The following PARD3B variants were observed in gnomAD, a reference collection of about 807,000 sequenced individuals.
PARD3B encodes the protein partitioning defective 3 homolog B.
A neutral mutation model predicts 130.2 loss-of-function variants in PARD3B; 103 were observed. The ratio of observed to expected loss-of-function variants is 0.79; its 90% CI spans 0.67 to 0.93. The LOEUF is 0.93. Ranked by LOEUF, PARD3B falls within the 40% of genes least tolerant of loss-of-function variation. The pLI, the probability that PARD3B is intolerant of heterozygous loss-of-function variation, is 0.00. For missense variants in PARD3B, 1,609 were observed against 1,499.2 expected, an observed-to-expected ratio of 1.07 and a Z score of -1.21; for synonymous variants, 583 against 553.2, an observed-to-expected ratio of 1.05 and a Z score of -0.76.
chr2:204,991,646 C>T (rs376800204), intron 3 of PARD3B, among the ~76,000 whole-genome samples: 7 of 149,196 alleles, frequency 4.7e-5, no homozygotes, highest in East Asian at 2.0e-4. Context: ...CCTGAGGAAT[C>T]GCCACACCGA....
In PARD3B at chr2:205,168,894, G is replaced by A. The variant is rs151034563; in HGVS notation, c.1621-3317G>A. ...ATAGAATGGTTTGGTGAATAGGGACGCTGTGGAATTCAGAACTTGGGCTGT... is the reference window on the plus strand; with the variant it reads ...ATAGAATGGTTTGGTGAATAGGGACACTGTGGAATTCAGAACTTGGGCTGT... On this transcript the variant is annotated intron_variant, in intron 11 of 22. Coordinates refer to ENST00000406610, the MANE Select transcript of PARD3B (RefSeq NM_001302769.2). 2.0e-4 allele frequency among the ~76,000 whole-genome samples: 31 copies of A among 152,248 alleles called. 1 individual carries two copies. In the South Asian group the frequency reaches 2.3e-3, roughly 11 times the overall value.
intron 1 of PARD3B, among the ~76,000 whole-genome samples, chr2:204,658,394 G>A (rs1456474092): frequency 6.6e-6 from 1 of 151,978 alleles, no homozygotes; most frequent in Admixed American, 6.6e-5. Context: ...AAATACAAAA[G>A]GATTATTAAC....
intron 1 of PARD3B, among the ~76,000 whole-genome samples, chr2:204,683,507 G>A (rs925444173): frequency 1.3e-5 from 2 of 152,106 alleles, no homozygotes; most frequent in African/African-American, 2.4e-5. Flanking sequence ...ATGGTCTTAC[G>A]ATGGCTGTAG....
chr2:205,111,070 A>T (rs929332789), intron 5 of PARD3B, among the ~76,000 whole-genome samples: 3 of 152,098 alleles, frequency 2.0e-5, no homozygotes, highest in African/African-American at 7.2e-5. Flanking sequence ...TTATTTTTCA[A>T]ATGTTCTCCT....
chr2:205,121,539 G>A lies in PARD3B; in HGVS notation c.807-52G>A. The A allele has an allele frequency of 6.6e-7, 1 of 1,507,456 alleles. No individual in the cohort carries two copies. The highest frequency in any genetic ancestry group is 9.1e-7 in the Non-Finnish European group (1 of 1,097,496). The allele number at this position is 1,507,456 out of a possible 1,614,324, so 93.4% of individuals were successfully genotyped here. A position where few individuals can be genotyped will look rare whatever the true frequency, so the allele number is the denominator to read the frequency against. ...GCCATCCTCCTGGGGTACTTTAGAAGATGCTGCACCTCAAAGCAGGGTCAT... is the reference window on the plus strand; with the variant it reads ...GCCATCCTCCTGGGGTACTTTAGAAAATGCTGCACCTCAAAGCAGGGTCAT... On this transcript the variant is annotated intron_variant, in intron 7 of 22. Transcript: ENST00000406610. This position sits in a 1 kb window ranked among gnomAD's most constrained non-coding sequence, Gnocchi z 5.0.
intron 2 of PARD3B, among the ~76,000 whole-genome samples, chr2:204,874,621 G>A (rs1246371687): frequency 1.3e-5 from 2 of 152,008 alleles, no homozygotes; most frequent in Non-Finnish European, 2.9e-5. Flanking sequence ...AAAGGCACAG[G>A]TTTTACATGA....
chr2:205,561,460 A>C (rs887839432), intron 22 of PARD3B, among the ~76,000 whole-genome samples: 1 of 152,128 alleles, frequency 6.6e-6, no homozygotes, highest in Non-Finnish European at 1.5e-5. Flanking sequence ...GGGTCTGTAA[A>C]AGCTGACAAA....
intron 2 of PARD3B, among the ~76,000 whole-genome samples, chr2:204,892,439 A>G (rs1235600973): frequency 1.3e-5 from 2 of 152,232 alleles, no homozygotes; most frequent in Non-Finnish European, 2.9e-5. Flanking sequence ...TAACTGATCT[A>G]TTCAGTATGG....
chr2:205,284,824 T>A (rs775602233), intron 16 of PARD3B, among the ~76,000 whole-genome samples: 14 of 152,178 alleles, frequency 9.2e-5, no homozygotes, highest in Non-Finnish European at 1.8e-4. Flanking sequence ...AACATTTATT[T>A]TTCCCCCCAT....
At chr2:204,951,391 C>T (rs1689756299) in intron 2 of PARD3B, among the ~76,000 whole-genome samples, 1 of 152,172 alleles carries the variant, frequency 6.6e-6, no homozygotes, top group East Asian at 1.9e-4. Context: ...TGGATCCCTT[C>T]AACTGAACAG....
chr2:205,314,218 C>T (rs554449245), intron 18 of PARD3B, among the ~76,000 whole-genome samples: 1 of 152,292 alleles, frequency 6.6e-6, no homozygotes, highest in East Asian at 1.9e-4. Flanking sequence ...AATTTACTAA[C>T]ATCCATCTTC....
rs543660747 is a variant in PARD3B, at chr2:205,585,807, G to A, written c.3261-29649G>A. ...TTGAACTGGATTTCGGTAGCTTTGT[G>A]GGCTCTTGCAGAAAGAAAGCCTTGT... is the stretch of plus-strand genomic sequence containing the variant. On this transcript the variant is annotated intron_variant, in intron 22 of 22. Transcript: ENST00000406610. The surrounding 1 kb of genome is among the most constrained non-coding windows in gnomAD (Gnocchi z 5.4). 6.8e-3 allele frequency among the ~76,000 whole-genome samples: 1,032 copies of A among 152,198 alleles called. 9 individuals carry two copies. The highest frequency in any genetic ancestry group is 0.011 in the Non-Finnish European group (778 of 68,022).
At chr2:204,823,336 A>G (rs2043438773) in intron 2 of PARD3B, among the ~76,000 whole-genome samples, 1 of 151,996 alleles carries the variant, frequency 6.6e-6, no homozygotes. Context: ...CCATTTATAT[A>G]TTACATTATT....
chr2:205,268,944 A>G lies in PARD3B; in HGVS notation c.2185+23122A>G, dbSNP rs2040614778. On this transcript the variant is annotated intron_variant, in intron 16 of 22. Coordinates refer to ENST00000406610, the MANE Select transcript of PARD3B (RefSeq NM_001302769.2). This position sits in a 1 kb window ranked among gnomAD's most constrained non-coding sequence, Gnocchi z 4.1. ...AAGGAAGAAAAGAGTATAGTCTTGA[A>G]TAAAAGGTGTACCCAAGTATGAATA... 6.6e-6 allele frequency among the ~76,000 whole-genome samples: 1 copy of G among 152,198 alleles called. No homozygotes were observed. Among genetic ancestry groups the G allele is most frequent in the East Asian group, 1.9e-4 (1 of 5,204 alleles).
At chr2:204,594,638 C>T (rs1318193417) in intron 1 of PARD3B, among the ~76,000 whole-genome samples, 5 of 152,188 alleles carry the variant, frequency 3.3e-5, no homozygotes, top group Non-Finnish European at 1.5e-5. Flanking sequence ...TTGCTAATCA[C>T]CCCTTCTTCC....
intron 2 of PARD3B, among the ~76,000 whole-genome samples, chr2:204,692,659 C>T (rs545328220): frequency 3.3e-5 from 5 of 152,024 alleles, no homozygotes; most frequent in African/African-American, 1.2e-4. Flanking sequence ...AAAAGTCTTA[C>T]TTTGGTTCAT....
At chr2:204,583,799 A>G (rs928985605) in intron 1 of PARD3B, among the ~76,000 whole-genome samples, 5 of 152,176 alleles carry the variant, frequency 3.3e-5, no homozygotes, top group Admixed American at 6.5e-5. Flanking sequence ...TGATGTGAAA[A>G]TATTCTTTTC....
intron 18 of PARD3B, among the ~76,000 whole-genome samples, chr2:205,360,971 T>A (rs2044367463): frequency 1.3e-5 from 2 of 152,198 alleles, no homozygotes; most frequent in South Asian, 4.1e-4. Flanking sequence ...ATGTCTAATA[T>A]GCCTTCCTCA....
chr2:205,505,510 T>C (rs1477058332), intron 21 of PARD3B, among the ~76,000 whole-genome samples: 1 of 152,226 alleles, frequency 6.6e-6, no homozygotes, highest in African/African-American at 2.4e-5. Flanking sequence ...GTCTTAGCTC[T>C]GAAAAGCTGT....
Sources: allele counts gnomAD v4.1 joint callset (sites outside exome capture counted in the v4.1 genomes callset), GRCh38; gene constraint gnomAD v4.1.1; non-coding constraint Gnocchi (gnomAD v3.1); transcripts MANE v1.5; gene names NCBI Gene and HGNC (gene_info 2026-07-23, HGNC 2026-07-21).